The following ADGRD1 variants were observed in gnomAD, a reference collection of about 807,000 sequenced individuals.
ADGRD1 encodes G-protein coupled receptor 133.
In ADGRD1, 77 loss-of-function variants were observed where a neutral mutation model predicts 113.4. The observed-to-expected ratio is 0.68, with a 90% CI of 0.57 to 0.82. The LOEUF (loss-of-function observed/expected upper bound fraction) is 0.82, where lower values mean the gene tolerates loss of function less well. Among genes scored for constraint, ADGRD1 ranks in the 40% least tolerant of loss-of-function variants. The pLI, the probability that ADGRD1 is intolerant of heterozygous loss-of-function variation, is 0.00. For missense variants in ADGRD1, 1,036 were observed against 1,139.1 expected (o/e 0.91, Z 1.30); for synonymous variants, 474 against 475.0 (o/e 1.00, Z 0.03).
chr12:130,994,261 G>T, intron 8 of ADGRD1: 1 of 453,394 alleles, frequency 2.2e-6, no homozygotes, highest in Non-Finnish European at 4.4e-6. Flanking sequence ...ACAGGGCTTG[G>T]TATGCAGTAA....
chr12:131,053,142 C>G (rs577732974), intron 13 of ADGRD1, among the ~76,000 whole-genome samples: 1 of 152,350 alleles, frequency 6.6e-6, no homozygotes, highest in African/African-American at 2.4e-5. Context: ...TGGTGGCATG[C>G]TGGTTTCTAA....
chr12:131,042,334 C>T (rs1312224806), intron 13 of ADGRD1, among the ~76,000 whole-genome samples: 5 of 152,212 alleles, frequency 3.3e-5, no homozygotes, highest in Admixed American at 6.5e-5. Flanking sequence ...CCTCAGGTTC[C>T]GGAGCCTGCC....
In ADGRD1 at chr12:131,060,511, A is replaced by ATGCAGAGACTGACTT. The variant is rs1312465025; in HGVS notation, c.1474-16279_1474-16278insACTTTGCAGAGACTG. ...TGTTAACTGCTGGCTGGGTCACACC[A>ATGCAGAGACTGACTT]TGCAGAGACTGGCCAAGTCAGTCCT... is the stretch of plus-strand genomic sequence containing the variant. On this transcript the variant is annotated intron_variant, in intron 13 of 24. Transcript: ENST00000261654. The surrounding 1 kb of genome is among the most constrained non-coding windows in gnomAD (Gnocchi z 4.4). Among the ~76,000 whole-genome samples, 3 of 152,218 alleles carry ATGCAGAGACTGACTT rather than the reference A, an allele frequency of 2.0e-5. No individual in the cohort carries two copies. The highest frequency in any genetic ancestry group is 1.3e-4 in the Admixed American group (2 of 15,290).
intron 16 of ADGRD1, among the ~76,000 whole-genome samples, chr12:131,105,402 G>A (rs568585496): frequency 2.6e-5 from 4 of 152,354 alleles, no homozygotes; most frequent in South Asian, 4.1e-4. Flanking sequence ...CATTTGGGCC[G>A]CCATGCGGGG....
intron 23 of ADGRD1, 55 bp downstream of exon 23, chr12:131,137,069 A>C: frequency 2.1e-6 from 3 of 1,417,264 alleles, no homozygotes; most frequent in Non-Finnish European, 3.0e-6. Flanking sequence ...TTCCTTTCCG[A>C]AAGGTCACAG....
intron 13 of ADGRD1, among the ~76,000 whole-genome samples, chr12:131,042,370 C>T (rs957854766): frequency 6.6e-6 from 1 of 152,180 alleles, no homozygotes; most frequent in Non-Finnish European, 1.5e-5. Context: ...CCCCCTGAGC[C>T]GCGTTCTTGC....
At chr12:131,008,226 C>G (rs1213261180) in intron 12 of ADGRD1, among the ~76,000 whole-genome samples, 1 of 152,224 alleles carries the variant, frequency 6.6e-6, no homozygotes, top group Admixed American at 6.5e-5. Flanking sequence ...TGCCATTTTG[C>G]CTTTGAGGTA....
At position 130,983,059 on chromosome 12, in the gene ADGRD1, A is replaced by T. The variant is rs557143496; in HGVS notation, c.490+996A>T. Among the ~76,000 whole-genome samples, 219 of 152,322 alleles carry T rather than the reference A, an allele frequency of 1.4e-3. 1 individual carries two copies. Among genetic ancestry groups the T allele is most frequent in the African/African-American group, 4.8e-3 (200 of 41,562 alleles). On this transcript the variant is annotated intron_variant, in intron 5 of 24. Transcript: ENST00000261654. ...TTAAAAAGCGTGAACTCTGGACCCAAACAGGCTGGATCAAATCCCGCCTCT... is the reference window on the plus strand; with the variant it reads ...TTAAAAAGCGTGAACTCTGGACCCATACAGGCTGGATCAAATCCCGCCTCT...
Position 130,996,436 on chromosome 12 carries a change from G to A in ADGRD1, c.967-3947G>A, listed in dbSNP as rs1875372170. On this transcript the variant is annotated intron_variant, in intron 8 of 24. Coordinates refer to ENST00000261654, the MANE Select transcript of ADGRD1 (RefSeq NM_198827.5). The stretch of plus-strand genomic sequence containing the variant: ...CCCCCACCTCCCTCCCGGACGGGGC[G>A]GCTGGCCGGGTAGAGGGGCTCCTCA... Among the ~76,000 whole-genome samples the A allele has an allele frequency of 2.4e-5, 2 of 84,156 alleles. 1 individual carries two copies. Among genetic ancestry groups the A allele is most frequent in the Non-Finnish European group, 5.5e-5 (2 of 36,312 alleles). 55.2% of individuals were successfully genotyped at this position (84,156 alleles called of 152,430 possible).
In ADGRD1 at chr12:131,106,847, A is replaced by T. The variant is rs560106934; in HGVS notation, c.1887+982A>T. Among the ~76,000 whole-genome samples, 20 of 152,234 alleles carry T rather than the reference A, an allele frequency of 1.3e-4. 1 individual carries two copies. In the East Asian group the frequency reaches 3.5e-3, roughly 27 times the overall value. On this transcript the variant is annotated intron_variant, in intron 17 of 24. Coordinates refer to ENST00000261654, the MANE Select transcript of ADGRD1 (RefSeq NM_198827.5). ...AATGGATGGGGTGTGCACTGGCCTC[A>T]TGTTCTCCTGCTGGACGCTTCTCAG...
At position 130,981,891 on chromosome 12, in the gene ADGRD1, G is replaced by A. The variant is rs1468101035; in HGVS notation, c.318G>A (p.Thr106=). ...TCTTGTGACTTTCCTCAGGGGTCAC[G>A]TTTTCTTTTTTCTGGAAGACACAAG... ...KPEQCGPEGV[T]FSFFWKTQGE... Residue 106 remains threonine, a synonymous_variant, in exon 5 of 25, where the codon ACG becomes ACA. Transcript: ENST00000261654. The A allele has an allele frequency of 3.1e-6, 5 of 1,610,588 alleles. No individual in the cohort carries two copies. The highest frequency in any genetic ancestry group is 4.2e-6 in the Non-Finnish European group (5 of 1,177,750).
At chr12:131,020,106 A>AGGGGCAGAACCCTGAGCTCTGTCC (rs57271690) in intron 13 of ADGRD1, among the ~76,000 whole-genome samples, 1 of 35,058 alleles carries the variant, frequency 2.9e-5, no homozygotes, top group African/African-American at 8.6e-5. Context: ...GAGATATTCC[A>AGGGGCAGAACCCTGAGCTCTGTCC]GGGGCAGGAC....
At chr12:131,121,530 G>C (rs1354870365) in intron 20 of ADGRD1, among the ~76,000 whole-genome samples, 1 of 152,124 alleles carries the variant, frequency 6.6e-6, no homozygotes. Flanking sequence ...ACAGCCATGC[G>C]CCACCACGCC....
At chr12:131,013,276 C>G (rs1878148888) in intron 12 of ADGRD1, among the ~76,000 whole-genome samples, 1 of 152,144 alleles carries the variant, frequency 6.6e-6, no homozygotes, top group African/African-American at 2.4e-5. Flanking sequence ...ATCACGTAAG[C>G]CGAGAGCTCT....
intron 13 of ADGRD1, among the ~76,000 whole-genome samples, chr12:131,045,949 G>A (rs1882662189): frequency 6.6e-6 from 1 of 151,614 alleles, no homozygotes; most frequent in South Asian, 2.1e-4. Context: ...CCTGGTTGGT[G>A]CTCCCTCCCT....
chr12:130,958,584 C>A (rs1869964203), intron 2 of ADGRD1, among the ~76,000 whole-genome samples: 1 of 152,168 alleles, frequency 6.6e-6, no homozygotes, highest in Admixed American at 6.5e-5. Flanking sequence ...CCCTGGCTGT[C>A]TGTGTGAAGC....
At position 131,050,602 on chromosome 12, in the gene ADGRD1, G is replaced by A. The variant is rs1883282878; in HGVS notation, c.1474-26199G>A. On this transcript the variant is annotated intron_variant, in intron 13 of 24. Coordinates refer to ENST00000261654, the MANE Select transcript of ADGRD1 (RefSeq NM_198827.5). This position sits in a 1 kb window ranked among gnomAD's most constrained non-coding sequence, Gnocchi z 4.8. Reference sequence around the variant, plus strand: ...CGTCTTACATGGGCAGATCAAGAGAGGTGGGGGGTGCCACACACTTTTAAG... The same window carrying A: ...CGTCTTACATGGGCAGATCAAGAGAAGTGGGGGGTGCCACACACTTTTAAG... Among the ~76,000 whole-genome samples, 1 of 152,104 alleles carries A rather than the reference G, an allele frequency of 6.6e-6. No individual in the cohort carries two copies. Among genetic ancestry groups the A allele is most frequent in the South Asian group, 2.1e-4 (1 of 4,806 alleles).
intron 3 of ADGRD1, chr12:130,968,694 T>A (rs186598568): frequency 2.3e-6 from 1 of 443,694 alleles, no homozygotes; most frequent in African/African-American, 2.0e-5. Flanking sequence ...TATCTGCCTA[T>A]GTGTTGGAGC....
chr12:131,110,321 G>T (rs748851731), intron 18 of ADGRD1, among the ~76,000 whole-genome samples: 3 of 149,110 alleles, frequency 2.0e-5, no homozygotes, highest in Non-Finnish European at 3.0e-5. Flanking sequence ...ATATTTCCTA[G>T]TGTAACACTT....
Sources: allele counts gnomAD v4.1 joint callset (sites outside exome capture counted in the v4.1 genomes callset), GRCh38; gene constraint gnomAD v4.1.1; non-coding constraint Gnocchi (gnomAD v3.1); transcripts MANE v1.5; gene names NCBI Gene and HGNC (gene_info 2026-07-23, HGNC 2026-07-21).